Variants in RBPJ observed in about 807,000 individuals in gnomAD.
The protein encoded by RBPJ is recombining binding protein suppressor of hairless.
In RBPJ, 9 loss-of-function variants were observed where a neutral mutation model predicts 67.8. The ratio of observed to expected loss-of-function variants is 0.13; its 90% confidence interval spans 0.08 to 0.23. The LOEUF is 0.23. RBPJ is among the 10% of genes least tolerant of loss of function. The pLI, the probability that RBPJ is intolerant of heterozygous loss-of-function variation, is 1.00. For synonymous variants in RBPJ, 198 were observed against 203.3 expected (o/e 0.97, Z 0.22); for missense variants, 305 against 595.6 (o/e 0.51, Z 5.08).
the RBPJ span, among the ~76,000 whole-genome samples, chr4:26,138,412 G>A: frequency 6.6e-6 from 1 of 152,034 alleles, no homozygotes. Flanking sequence ...AAGAGGAGAG[G>A]ATGCGAAAAC....
rs368325638 is a variant in RBPJ at position 26,312,225 on chromosome 4, A to G, written c.-166-50221A>G. 3.0e-3 allele frequency among the ~76,000 whole-genome samples: 453 copies of G among 151,550 alleles called. 2 individuals carry two copies. The highest frequency in any genetic ancestry group is 0.011 in the African/African-American group (436 of 41,300). ...CAGCTCACTGCAAGCTCTGCCTCCC[A>G]GGTTCACGCCATTCTCCTGCCTCAG... On this transcript the variant is annotated intron_variant, in intron 1 of 4. Coordinates refer to the RBPJ transcript ENST00000512351.
At chr4:26,190,759 C>G (rs1419474881) in intron 1 of RBPJ, among the ~76,000 whole-genome samples, 6 of 152,058 alleles carry the variant, frequency 3.9e-5, no homozygotes, top group Non-Finnish European at 8.8e-5. Flanking sequence ...CTAGAGTAAG[C>G]TGTCAATCAA....
At chr4:26,160,246 T>C (rs1716052500), upstream of RBPJ, among the ~76,000 whole-genome samples, 1 of 152,180 alleles carries the variant, frequency 6.6e-6, no homozygotes, top group South Asian at 2.1e-4. Flanking sequence ...GGAGATAATG[T>C]AGAAGTTACA....
Position 26,390,898 on chromosome 4 carries a change from T to TA in RBPJ, c.59+4515dup, listed in dbSNP as rs1244514396. Among the ~76,000 whole-genome samples the TA allele has an allele frequency of 4.0e-5, 6 of 151,878 alleles. No homozygotes were observed. In the East Asian group the frequency reaches 5.8e-4, roughly 15 times the overall value. The stretch of plus-strand genomic sequence containing the variant: ...AGTGAGACCTTGTCTCTACAAATAA[T>TA]AAAAAAAATTAGCTGGGCATGTTGG... On this transcript the variant is annotated intron_variant, in intron 2 of 10. Coordinates refer to ENST00000355476, the MANE Select transcript of RBPJ (RefSeq NM_015874.6).
intron 1 of RBPJ, among the ~76,000 whole-genome samples, chr4:26,221,607 T>C (rs945530924): frequency 6.6e-6 from 1 of 152,070 alleles, no homozygotes; most frequent in Non-Finnish European, 1.5e-5. Context: ...GACAGAATGT[T>C]GAGATTTGAA....
intron 1 of RBPJ, among the ~76,000 whole-genome samples, chr4:26,341,749 A>G (rs943899621): frequency 1.3e-5 from 2 of 152,214 alleles, no homozygotes; most frequent in Admixed American, 6.5e-5. Context: ...ATGGAGTGGG[A>G]GAGAAATTGG....
intron 1 of RBPJ, among the ~76,000 whole-genome samples, chr4:26,328,377 G>A (rs1723873047): frequency 6.6e-6 from 1 of 152,156 alleles, no homozygotes; most frequent in Non-Finnish European, 1.5e-5. Context: ...CTATAAAGAT[G>A]GCTAAGAAAT....
At chr4:26,382,820 C>T (rs1010564761) in intron 1 of RBPJ, among the ~76,000 whole-genome samples, 3 of 152,196 alleles carry the variant, frequency 2.0e-5, no homozygotes, top group African/African-American at 2.4e-5. Context: ...AGATTACAGG[C>T]GTGAGCTCTT....
At chr4:26,266,152 G>C (rs1450527455) in intron 1 of RBPJ, among the ~76,000 whole-genome samples, 1 of 152,120 alleles carries the variant, frequency 6.6e-6, no homozygotes, top group Non-Finnish European at 1.5e-5. Flanking sequence ...TTCCCTGGCA[G>C]ACTGTCCTGC....
At chr4:26,393,204 T>C (rs189597404) in intron 2 of RBPJ, among the ~76,000 whole-genome samples, 56 of 152,286 alleles carry the variant, frequency 3.7e-4, no homozygotes, top group African/African-American at 1.3e-3. Context: ...CAGATTTATA[T>C]TGTTTATTAT....
rs2109254283 is a variant in RBPJ, at chr4:26,264,234, T to C, written c.-166-98212T>C. Among the ~76,000 whole-genome samples the C allele has an allele frequency of 6.6e-6, 1 of 152,344 alleles. No homozygotes were observed. ...GGTCCCAATTAGCTTCAACAAATTA[T>C]GTGTTGAATTAATCAATGAATACTT... is the stretch of plus-strand genomic sequence containing the variant. On this transcript the variant is annotated intron_variant, in intron 1 of 4. Transcript: ENST00000512351. This position sits in a 1 kb window ranked among gnomAD's most constrained non-coding sequence, Gnocchi z 4.1.
the RBPJ span, among the ~76,000 whole-genome samples, chr4:26,131,141 G>T: frequency 6.6e-6 from 1 of 152,154 alleles, no homozygotes; most frequent in Non-Finnish European, 1.5e-5. Context: ...ACATATCGAG[G>T]CTCCCTGCGT....
intron 1 of RBPJ, among the ~76,000 whole-genome samples, chr4:26,267,599 A>G (rs1459555412): frequency 6.6e-6 from 1 of 151,598 alleles, no homozygotes; most frequent in Non-Finnish European, 1.5e-5. Flanking sequence ...TATATATGTA[A>G]TTTTTAAATT....
At chr4:26,392,011 G>A (rs2109665378) in intron 2 of RBPJ, among the ~76,000 whole-genome samples, 1 of 152,262 alleles carries the variant, frequency 6.6e-6, no homozygotes, top group South Asian at 2.1e-4. Context: ...GAGGGACAAG[G>A]GCACTGATCC....
intron 1 of RBPJ, among the ~76,000 whole-genome samples, chr4:26,196,823 T>C (rs1329090169): frequency 6.6e-6 from 1 of 152,204 alleles, no homozygotes. Flanking sequence ...CCATTCTTCT[T>C]TATCCTGGGC....
chr4:26,277,114 T>TAA (rs34364319), intron 1 of RBPJ, among the ~76,000 whole-genome samples: 114 of 137,162 alleles, frequency 8.3e-4, no homozygotes, highest in South Asian at 3.0e-3. Context: ...ACCCCATTTC[T>TAA]AAAAAAAAAA....
intron 1 of RBPJ, among the ~76,000 whole-genome samples, chr4:26,352,025 C>A: frequency 6.6e-6 from 1 of 152,090 alleles, no homozygotes; most frequent in Non-Finnish European, 1.5e-5. Context: ...TGACATTGAT[C>A]TTTGTGTATT....
At chr4:26,256,559 A>G (rs1720350094) in intron 1 of RBPJ, among the ~76,000 whole-genome samples, 1 of 152,194 alleles carries the variant, frequency 6.6e-6, no homozygotes, top group South Asian at 2.1e-4. Context: ...ATTAAAAATA[A>G]TATAAGAATG....
intron 1 of RBPJ, among the ~76,000 whole-genome samples, chr4:26,216,823 G>C (rs1718736424): frequency 6.6e-6 from 1 of 152,128 alleles, no homozygotes; most frequent in Non-Finnish European, 1.5e-5. Context: ...TACTTGGCAG[G>C]CTGAGGTGAG....
Sources: gnomAD v4.1 joint callset for allele counts (sites outside exome capture counted in the v4.1 genomes callset) on GRCh38, gnomAD v4.1.1 for gene constraint, Gnocchi (gnomAD v3.1) non-coding constraint, MANE v1.5 for transcripts, NCBI Gene and HGNC (gene_info 2026-07-23, HGNC 2026-07-21) for gene names.